The following ZNF395 variants were observed in gnomAD, a reference collection of about 807,000 sequenced individuals.
ZNF395 encodes HD gene regulatory region-binding protein 2.
ZNF395 carries 20 observed loss-of-function variants against 57.7 expected under a neutral mutation model. The ratio of observed to expected loss-of-function variants is 0.35; its 90% CI spans 0.24 to 0.50. The LOEUF (loss-of-function observed/expected upper bound fraction) is 0.50. ZNF395 is among the 20% of genes least tolerant of loss of function. The pLI is 0.97. For missense variants in ZNF395, 606 were observed against 671.2 expected (o/e 0.90, Z 1.07); for synonymous variants, 295 against 275.9 (o/e 1.07, Z -0.69).
chr8:28,348,592 C>G lies in ZNF395; in HGVS notation c.*127G>C. On this transcript the variant is annotated 3_prime_UTR_variant, in exon 10 of 10. Coordinates refer to ENST00000344423, the MANE Select transcript of ZNF395 (RefSeq NM_018660.3). Reference sequence around the variant, plus strand: ...AATTGCTTTAAGTGTTACACCTTAGCCAACAGAGCCCAAACTCCGTGTTTC... The same window carrying G: ...AATTGCTTTAAGTGTTACACCTTAGGCAACAGAGCCCAAACTCCGTGTTTC... 2.5e-6 allele frequency: 2 copies of G among 791,408 alleles called. No homozygotes were observed. Among genetic ancestry groups the G allele is most frequent in the Non-Finnish European group, 4.4e-6 (2 of 459,748 alleles). The allele number at this position is 791,408 out of a possible 1,614,324, so 49.0% of individuals were successfully genotyped here.
chr8:28,377,060 C>T (rs1802050490), intron 1 of ZNF395, among the ~76,000 whole-genome samples: 1 of 152,148 alleles, frequency 6.6e-6, no homozygotes, highest in South Asian at 2.1e-4. Flanking sequence ...TTAGTCCAAG[C>T]AGTGACCTGC....
intron 2 of ZNF395, 55 bp downstream of exon 2, chr8:28,360,830 C>A: frequency 6.3e-7 from 1 of 1,594,218 alleles, no homozygotes. Flanking sequence ...GCACCCCAGC[C>A]CCCTACCCCA....
At chr8:28,372,964 C>T (rs1801994984) in intron 1 of ZNF395, among the ~76,000 whole-genome samples, 1 of 152,162 alleles carries the variant, frequency 6.6e-6, no homozygotes, top group Admixed American at 6.5e-5. Context: ...CCAACTTGGT[C>T]ACCAAATATT....
intron 1 of ZNF395, among the ~76,000 whole-genome samples, chr8:28,376,317 T>C (rs1802039705): frequency 6.6e-6 from 1 of 152,088 alleles, no homozygotes; most frequent in South Asian, 2.1e-4. Context: ...CTATTACTTC[T>C]TATCATATTT....
intron 4 of ZNF395, among the ~76,000 whole-genome samples, chr8:28,354,617 C>A (rs1398235499): frequency 1.3e-5 from 2 of 152,100 alleles, no homozygotes; most frequent in Admixed American, 1.3e-4. Context: ...AAGCAGCCCA[C>A]CCAAAAAGAA....
chr8:28,372,943 G>A (rs910313226), intron 1 of ZNF395, among the ~76,000 whole-genome samples: 4 of 152,212 alleles, frequency 2.6e-5, no homozygotes, highest in African/African-American at 4.8e-5. Flanking sequence ...GTTGGAGAGA[G>A]GAGTAGAATG....
chr8:28,358,345 C>T (rs1174460153), intron 3 of ZNF395, among the ~76,000 whole-genome samples: 1 of 150,762 alleles, frequency 6.6e-6, no homozygotes, highest in Non-Finnish European at 1.5e-5. Flanking sequence ...CCTGACCTCA[C>T]GTGATCCACC....
chr8:28,372,165 C>T (rs1801984847), intron 1 of ZNF395, among the ~76,000 whole-genome samples: 2 of 152,086 alleles, frequency 1.3e-5, no homozygotes, highest in African/African-American at 2.4e-5. Flanking sequence ...TGATCCTATC[C>T]CAGAGGATAA....
rs1801722836 is a variant in ZNF395 at position 28,352,168 on chromosome 8, C to G, written c.921-361G>C. Among the ~76,000 whole-genome samples the G allele has an allele frequency of 6.6e-6, 1 of 152,212 alleles. No homozygotes were observed. Among genetic ancestry groups the G allele is most frequent in the South Asian group, 2.1e-4 (1 of 4,832 alleles). On this transcript the variant is annotated intron_variant, in intron 6 of 9. Transcript: ENST00000344423. The surrounding 1 kb of genome is among the most constrained non-coding windows in gnomAD (Gnocchi z 4.0). ...GTCAGCTCCTACCACTAGCAGCCTG[C>G]AAACTCGCTCTGCACAGAACACGGC...
chr8:28,383,524 A>AC (rs1299742402), intron 1 of ZNF395, among the ~76,000 whole-genome samples: 24 of 152,042 alleles, frequency 1.6e-4, no homozygotes, highest in Admixed American at 1.6e-3. Flanking sequence ...CACCGTTCTA[A>AC]CCTCCAATCC....
In ZNF395 at chr8:28,352,734, T is replaced by TACC; in HGVS notation, c.820-64_820-62dup. ...TTTCTCCTTATCCCTCGCTCAACCT[T>TACC]ACCCAGTGGGGACTCAAACTGGCTG... On this transcript the variant is annotated intron_variant, in intron 5 of 9. Coordinates refer to ENST00000344423, the MANE Select transcript of ZNF395 (RefSeq NM_018660.3). The surrounding 1 kb of genome is among the most constrained non-coding windows in gnomAD (Gnocchi z 4.0). 6.8e-7 allele frequency: 1 copy of TACC among 1,481,234 alleles called. No individual in the cohort carries two copies. The highest frequency in any genetic ancestry group is 9.4e-7 in the Non-Finnish European group (1 of 1,063,644). 91.8% of individuals were successfully genotyped at this position (1,481,234 alleles called of 1,614,324 possible).
intron 1 of ZNF395, among the ~76,000 whole-genome samples, chr8:28,373,101 T>C (rs920522419): frequency 6.6e-6 from 1 of 152,096 alleles, no homozygotes; most frequent in Non-Finnish European, 1.5e-5. Context: ...ACGAGTGGGG[T>C]TGCCCTAGGC....
chr8:28,350,161 G>A lies in ZNF395; in HGVS notation c.1234-5C>T, dbSNP rs1394243812. The A allele has an allele frequency of 1.5e-5, 24 of 1,598,468 alleles. No homozygotes were observed. The highest frequency in any genetic ancestry group is 2.3e-5 in the South Asian group (2 of 88,166). ...GATCTGGAAGGATGGCAGAGCCTGC[G>A]GAAGACGAGGGTGTCAGCCCGGATT... On this transcript the variant is annotated splice_polypyrimidine_tract_variant and splice_region_variant and intron_variant, in intron 7 of 9. Transcript: ENST00000344423.
In ZNF395 at chr8:28,345,763, C is replaced by CTTTCT. The variant is rs113930926; in HGVS notation, c.*2955_*2956insAGAAA. On this transcript the variant is annotated 3_prime_UTR_variant, in exon 10 of 10. Coordinates refer to ENST00000344423, the MANE Select transcript of ZNF395 (RefSeq NM_018660.3). The stretch of plus-strand genomic sequence containing the variant: ...ACAGATGGGATTTATCTCCCTCTTG[C>CTTTCT]TTTTTTTTTTTTTGCCCCTGGTAAA... 1 of 141,130 alleles carries CTTTCT rather than the reference C, an allele frequency of 7.1e-6. No individual in the cohort carries two copies. The highest frequency in any genetic ancestry group is 1.5e-5 in the Non-Finnish European group (1 of 65,660). The allele number at this position is 141,130 out of a possible 1,614,324, so 8.7% of individuals were successfully genotyped here.
intron 1 of ZNF395, among the ~76,000 whole-genome samples, chr8:28,378,323 C>T (rs2129992972): frequency 6.6e-6 from 1 of 152,310 alleles, no homozygotes. Flanking sequence ...TCACTGCAGC[C>T]TCAAACTCTA....
intron 1 of ZNF395, among the ~76,000 whole-genome samples, chr8:28,363,627 A>AAAAAC (rs755974298): frequency 5.9e-5 from 9 of 152,116 alleles, no homozygotes; most frequent in East Asian, 1.9e-4. Flanking sequence ...TTCTTGGCCA[A>AAAAAC]AAAACAAAAC....
chr8:28,382,584 C>A lies in ZNF395; in HGVS notation c.-59+3809G>T, dbSNP rs148453978. Reference sequence around the variant, plus strand: ...AACGTTTTTCCAAGCCCCACCAGCACAGAACACGCCCCACTCCTCTGAACC... The same window carrying A: ...AACGTTTTTCCAAGCCCCACCAGCAAAGAACACGCCCCACTCCTCTGAACC... On this transcript the variant is annotated intron_variant, in intron 1 of 9. Coordinates refer to ENST00000344423, the MANE Select transcript of ZNF395 (RefSeq NM_018660.3). 2.0e-5 allele frequency among the ~76,000 whole-genome samples: 3 copies of A among 152,300 alleles called. No individual in the cohort carries two copies. In the South Asian group the frequency reaches 6.2e-4, roughly 32 times the overall value.
At position 28,348,152 on chromosome 8, in the gene ZNF395, T is replaced by C. The variant is rs1360646226; in HGVS notation, c.*567A>G. ...AGAAAGGGATTTCCTTTGACTTCCATGCAGGATGCTCAGACAGGGAACAGG... is the reference window on the plus strand; with the variant it reads ...AGAAAGGGATTTCCTTTGACTTCCACGCAGGATGCTCAGACAGGGAACAGG... On this transcript the variant is annotated 3_prime_UTR_variant, in exon 10 of 10. Coordinates refer to ENST00000344423, the MANE Select transcript of ZNF395 (RefSeq NM_018660.3). 6.6e-6 allele frequency: 1 copy of C among 151,852 alleles called. No homozygotes were observed. The highest frequency in any genetic ancestry group is 2.4e-5 in the African/African-American group (1 of 41,288). 9.4% of individuals were successfully genotyped at this position (151,852 alleles called of 1,614,324 possible).
chr8:28,369,377 T>C (rs984583820), intron 1 of ZNF395, among the ~76,000 whole-genome samples: 1 of 152,134 alleles, frequency 6.6e-6, no homozygotes, highest in Non-Finnish European at 1.5e-5. Flanking sequence ...GGATGAGAGC[T>C]ACCTGGTGAC....
Sources: allele counts gnomAD v4.1 joint callset (sites outside exome capture counted in the v4.1 genomes callset), GRCh38; gene constraint gnomAD v4.1.1; non-coding constraint Gnocchi (gnomAD v3.1); transcripts MANE v1.5; gene names NCBI Gene and HGNC (gene_info 2026-07-23, HGNC 2026-07-21).